Variants in FAT3 observed in about 807,000 individuals in gnomAD.
FAT3 encodes the protein protocadherin Fat 3.
In FAT3, 95 loss-of-function variants were observed where a neutral mutation model predicts 310.2. That is an observed-to-expected ratio of 0.31 (90% confidence interval 0.26 to 0.36). FAT3 has a LOEUF of 0.36. FAT3 is among the 10% of genes least tolerant of loss of function. The pLI is 1.00. For missense variants in FAT3, 5,408 were observed against 5,715.6 expected, an observed-to-expected ratio of 0.95 and a Z score of 1.74; for synonymous variants, 2,314 against 2,192.9, an observed-to-expected ratio of 1.06 and a Z score of -1.54.
At chr11:92,388,051 A>T (rs1949667347) in intron 2 of FAT3, among the ~76,000 whole-genome samples, 1 of 152,162 alleles carries the variant, frequency 6.6e-6, no homozygotes, top group Non-Finnish European at 1.5e-5. Context: ...TTGCCAGGCT[A>T]TTTGAGGCAG....
chr11:92,300,711 CT>C (rs1216645817), intron 1 of FAT3, among the ~76,000 whole-genome samples: 1 of 152,088 alleles, frequency 6.6e-6, no homozygotes, highest in Non-Finnish European at 1.5e-5. Context: ...TGCAAGCCCC[CT>C]GAGTAGAGAT....
intron 7 of FAT3, among the ~76,000 whole-genome samples, chr11:92,787,626 A>G (rs1447508972): frequency 6.6e-6 from 1 of 151,290 alleles, no homozygotes. Flanking sequence ...CAATTATGCT[A>G]TAATAATTGC....
At chr11:92,492,843 G>C (rs1209701316) in intron 2 of FAT3, among the ~76,000 whole-genome samples, 1 of 152,074 alleles carries the variant, frequency 6.6e-6, no homozygotes, top group Non-Finnish European at 1.5e-5. Flanking sequence ...AGTAGATGCT[G>C]AACAAATGCT....
chr11:92,669,861 A>G (rs1194595295), intron 3 of FAT3, among the ~76,000 whole-genome samples: 1 of 152,218 alleles, frequency 6.6e-6, no homozygotes, highest in Non-Finnish European at 1.5e-5. Context: ...ATTATATGAG[A>G]GCATGGAAAT....
intron 13 of FAT3, among the ~76,000 whole-genome samples, chr11:92,815,912 A>G (rs147242746): frequency 3.3e-5 from 5 of 152,340 alleles, no homozygotes; most frequent in Non-Finnish European, 7.3e-5. Context: ...ACAGATTTGC[A>G]CAACAAGATT....
intron 2 of FAT3, among the ~76,000 whole-genome samples, chr11:92,373,760 GCACACACACACACACACACACACACACA>G (rs57651290): frequency 6.2e-5 from 8 of 129,996 alleles, no homozygotes; most frequent in African/African-American, 2.2e-4. Flanking sequence ...AGATATGTAT[GCACACACACACACACACACACACACACA>G]CACACACACA....
At chr11:92,404,766 T>C (rs902161435) in intron 2 of FAT3, among the ~76,000 whole-genome samples, 4 of 151,950 alleles carry the variant, frequency 2.6e-5, no homozygotes, top group African/African-American at 9.7e-5. Flanking sequence ...GCCCTCACCA[T>C]TGTGGGTGAG....
In FAT3 at chr11:92,847,450, G is replaced by A. The variant is rs948253976; in HGVS notation, c.11365+2718G>A. 1.1e-4 allele frequency among the ~76,000 whole-genome samples: 17 copies of A among 152,258 alleles called. 1 individual carries two copies. Among genetic ancestry groups the A allele is most frequent in the African/African-American group, 3.4e-4 (14 of 41,574 alleles). On this transcript the variant is annotated intron_variant, in intron 19 of 27. Coordinates refer to ENST00000525166, the MANE Select transcript of FAT3 (RefSeq NM_001367949.2). The stretch of plus-strand genomic sequence containing the variant: ...TTGCACAATGACGAAATAGCCCAAC[G>A]ATGCATTTCACAGAATATATCCCCA...
At chr11:92,865,857 C>T (rs1187487880) in intron 21 of FAT3, among the ~76,000 whole-genome samples, 1 of 152,210 alleles carries the variant, frequency 6.6e-6, no homozygotes, top group Non-Finnish European at 1.5e-5. Flanking sequence ...CTGGGATTAG[C>T]CTCCCGGGCG....
At chr11:92,773,131 T>C (rs924856587) in intron 6 of FAT3, among the ~76,000 whole-genome samples, 2 of 152,144 alleles carry the variant, frequency 1.3e-5, no homozygotes, top group African/African-American at 4.8e-5. Context: ...ATACATACCA[T>C]TATTTTTCTC....
intron 3 of FAT3, among the ~76,000 whole-genome samples, chr11:92,542,727 A>C (rs1565397968): frequency 1.3e-5 from 2 of 152,070 alleles, no homozygotes; most frequent in Non-Finnish European, 2.9e-5. Context: ...TGCACTGTTG[A>C]TGAGAATATA....
chr11:92,659,746 A>G (rs558908935), intron 3 of FAT3, among the ~76,000 whole-genome samples: 2 of 152,298 alleles, frequency 1.3e-5, no homozygotes, highest in South Asian at 4.1e-4. Context: ...ATCGTGAGTT[A>G]TGAGTGCTGA....
intron 3 of FAT3, among the ~76,000 whole-genome samples, chr11:92,640,318 G>T (rs1253916906): frequency 6.6e-6 from 1 of 152,058 alleles, no homozygotes; most frequent in Non-Finnish European, 1.5e-5. Context: ...CCAGGGTGAG[G>T]TGCTTCATCC....
intron 4 of FAT3, among the ~76,000 whole-genome samples, chr11:92,759,092 G>A (rs1341093535): frequency 1.3e-5 from 2 of 152,166 alleles, no homozygotes; most frequent in African/African-American, 2.4e-5. Flanking sequence ...GGTAGTAGAT[G>A]AAACCATGGG....
At chr11:92,333,916 G>A (rs1947986392) in intron 1 of FAT3, among the ~76,000 whole-genome samples, 1 of 151,862 alleles carries the variant, frequency 6.6e-6, no homozygotes, top group African/African-American at 2.4e-5. Context: ...AGCTAAAAGG[G>A]AGAAAAACTT....
intron 13 of FAT3, among the ~76,000 whole-genome samples, chr11:92,824,251 G>A (rs192892217): frequency 8.9e-4 from 136 of 152,138 alleles, no homozygotes; most frequent in South Asian, 4.6e-3. Context: ...CAGCTACTCC[G>A]GAGGCTGAGG....
intron 3 of FAT3, among the ~76,000 whole-genome samples, chr11:92,628,758 A>G (rs960695856): frequency 3.3e-5 from 5 of 152,190 alleles, no homozygotes; most frequent in Non-Finnish European, 5.9e-5. Context: ...CAGGTTTGTA[A>G]TATCATTCAC....
intron 2 of FAT3, among the ~76,000 whole-genome samples, chr11:92,359,700 A>G (rs1023402413): frequency 5.0e-5 from 7 of 140,984 alleles, no homozygotes; most frequent in African/African-American, 1.1e-4. Flanking sequence ...TCATTGTTCA[A>G]TTCCCACCTA....
At chr11:92,486,041 A>T (rs1209011489) in intron 2 of FAT3, among the ~76,000 whole-genome samples, 1 of 150,852 alleles carries the variant, frequency 6.6e-6, no homozygotes, top group Non-Finnish European at 1.5e-5. Context: ...GGCACTGTAC[A>T]CTATAGGTAG....
Sources: allele counts gnomAD v4.1 joint callset (sites outside exome capture counted in the v4.1 genomes callset), GRCh38; gene constraint gnomAD v4.1.1; transcripts MANE v1.5; gene names NCBI Gene and HGNC (gene_info 2026-07-23, HGNC 2026-07-21).